Variants in DNAH8 observed in about 807,000 individuals in gnomAD.
DNAH8 encodes the protein axonemal beta dynein heavy chain 8.
A neutral mutation model predicts 562.1 loss-of-function variants in DNAH8; 382 were observed. That is an observed-to-expected ratio of 0.68 (90% CI 0.63 to 0.74). The LOEUF is 0.74. DNAH8 is among the 30% of genes least tolerant of loss of function. DNAH8 has a pLI of 0.00. For synonymous variants in DNAH8, 1,881 were observed against 1,919.4 expected, an observed-to-expected ratio of 0.98 and a Z score of 0.52; for missense variants, 5,203 against 5,620.4, an observed-to-expected ratio of 0.93 and a Z score of 2.37.
At chr6:38,918,983 A>G (rs1781500580) in intron 70 of DNAH8, among the ~76,000 whole-genome samples, 1 of 152,316 alleles carries the variant, frequency 6.6e-6, no homozygotes, top group Non-Finnish European at 1.5e-5. Flanking sequence ...TAGAAAGTCA[A>G]TTTAAAATAA....
intron 10 of DNAH8, among the ~76,000 whole-genome samples, chr6:38,759,397 A>G (rs1311966376): frequency 2.0e-5 from 3 of 152,242 alleles, no homozygotes; most frequent in Non-Finnish European, 2.9e-5. Flanking sequence ...TTATTCAAGC[A>G]TAACGAAATA....
chr6:39,019,437 G>C (rs1424003194), intron 91 of DNAH8, among the ~76,000 whole-genome samples: 1 of 152,180 alleles, frequency 6.6e-6, no homozygotes, highest in African/African-American at 2.4e-5. Flanking sequence ...TTAAAAGAGT[G>C]GTGGAAGTTT....
At position 38,866,837 on chromosome 6, in the gene DNAH8, C is replaced by T. The variant is rs551682867; in HGVS notation, c.6654C>T (p.Tyr2218=). 23 of 1,612,720 alleles carry T rather than the reference C, an allele frequency of 1.4e-5. No individual in the cohort carries two copies. The East Asian group carries it at 2.0e-4, about 14-fold the overall frequency. The change falls in exon 47 of 93, where the codon TAC becomes TAT. Residue 2218 remains tyrosine (Y), a synonymous_variant. Coordinates refer to ENST00000327475, the MANE Select transcript of DNAH8 (RefSeq NM_001206927.2). ...ATGTTATCTTGGCTCAAAAATTTTA[C>T]GTTCTTTACAAACTCTGTGAAGAGC... ...LENVILAQKF[Y]VLYKLCEEQL...
chr6:38,734,991 A>C (rs1352244170), intron 5 of DNAH8, among the ~76,000 whole-genome samples: 1 of 152,184 alleles, frequency 6.6e-6, no homozygotes, highest in Non-Finnish European at 1.5e-5. Context: ...GGACATTGCT[A>C]AGCTAGTTCT....
Position 38,899,768 on chromosome 6 carries a change from C to G in DNAH8, c.9064-8C>G. The stretch of plus-strand genomic sequence containing the variant: ...TTTCAAATAAGCACGTTTTAAATCT[C>G]AAAACAGATTTCACGAATAATTCGA... On this transcript the variant is annotated splice_polypyrimidine_tract_variant and splice_region_variant and intron_variant, in intron 61 of 92. Transcript: ENST00000327475. 6.2e-7 allele frequency: 1 copy of G among 1,613,036 alleles called. No homozygotes were observed. Among genetic ancestry groups the G allele is most frequent in the Non-Finnish European group, 8.5e-7 (1 of 1,179,444 alleles).
Position 38,924,015 on chromosome 6 carries a change from C to T in DNAH8, c.10815C>T (p.Cys3605=). The T allele has an allele frequency of 1.2e-6, 2 of 1,613,984 alleles. No homozygotes were observed. Among genetic ancestry groups the T allele is most frequent in the Non-Finnish European group, 1.7e-6 (2 of 1,179,924 alleles). The change falls in exon 73 of 93, where the codon TGC becomes TGT. Residue 3605 remains cysteine, a synonymous_variant. Transcript: ENST00000327475. ...GACTTGTAGGTGATATTCTGCTGTG[C>T]ACGGGATTCCTTTCCTACCTTGGTC... ...INRLVGDILL[C]TGFLSYLGPF... is the part of the protein sequence containing the mutation.
At chr6:38,760,493 T>C (rs1025579686) in intron 10 of DNAH8, among the ~76,000 whole-genome samples, 2 of 152,152 alleles carry the variant, frequency 1.3e-5, no homozygotes, top group African/African-American at 4.8e-5. Flanking sequence ...GTTCTACACT[T>C]GCTGAGTTGT....
intron 9 of DNAH8, among the ~76,000 whole-genome samples, chr6:38,751,704 A>G (rs997923032): frequency 1.3e-5 from 2 of 152,222 alleles, no homozygotes; most frequent in Non-Finnish European, 2.9e-5. Flanking sequence ...CTTCAAATTT[A>G]TAATCTGGTA....
chr6:38,947,502 A>G (rs1470660020), intron 80 of DNAH8, among the ~76,000 whole-genome samples: 2 of 152,198 alleles, frequency 1.3e-5, no homozygotes, highest in Non-Finnish European at 2.9e-5. Flanking sequence ...TTGAAGCTCT[A>G]CTGTGGTCAA....
rs551495324 is a variant in DNAH8 at position 38,939,139 on chromosome 6, T to C, written c.12007+151T>C. 3 of 638,390 alleles carry C rather than the reference T, an allele frequency of 4.7e-6. No homozygotes were observed. The South Asian group carries it at 1.0e-4, about 22-fold the overall frequency. The allele number at this position is 638,390 out of a possible 1,614,324, so 39.5% of individuals were successfully genotyped here. ...TTTTATTTTTAATACCTTTTTTCTGTTTTTCATTCGTTTTGCCCTAGTTAC... is the reference window on the plus strand; with the variant it reads ...TTTTATTTTTAATACCTTTTTTCTGCTTTTCATTCGTTTTGCCCTAGTTAC... On this transcript the variant is annotated intron_variant, in intron 79 of 92. Transcript: ENST00000327475.
At chr6:38,892,775 C>A (rs187296510) in intron 58 of DNAH8, among the ~76,000 whole-genome samples, 14 of 152,318 alleles carry the variant, frequency 9.2e-5, no homozygotes, top group African/African-American at 3.4e-4. Flanking sequence ...GTTCCACTTA[C>A]AATGTCAGCA....
At chr6:38,932,609 G>A (rs992411735) in intron 76 of DNAH8, among the ~76,000 whole-genome samples, 3 of 152,072 alleles carry the variant, frequency 2.0e-5, no homozygotes, top group Non-Finnish European at 4.4e-5. Flanking sequence ...TTATGTATCT[G>A]CATTATAAAG....
At chr6:39,029,843 G>A (rs1334516908) in intron 92 of DNAH8, among the ~76,000 whole-genome samples, 1 of 152,152 alleles carries the variant, frequency 6.6e-6, no homozygotes, top group Non-Finnish European at 1.5e-5. Flanking sequence ...GGCTAAGCCT[G>A]TTGCTCAGGG....
intron 53 of DNAH8, among the ~76,000 whole-genome samples, chr6:38,881,215 A>G (rs1023675785): frequency 6.6e-6 from 1 of 152,088 alleles, no homozygotes; most frequent in South Asian, 2.1e-4. Flanking sequence ...AAACATACTC[A>G]TTTTTGCTTA....
chr6:38,897,878 C>A (rs564456893), intron 60 of DNAH8, among the ~76,000 whole-genome samples: 19 of 152,262 alleles, frequency 1.2e-4, no homozygotes, highest in African/African-American at 4.3e-4. Flanking sequence ...TATTTCAGAA[C>A]AACAAAGACT....
chr6:38,907,179 G>A (rs182328280), intron 63 of DNAH8, among the ~76,000 whole-genome samples: 85 of 152,324 alleles, frequency 5.6e-4, no homozygotes, highest in Non-Finnish European at 9.7e-4. Context: ...TGGAGTCATC[G>A]ATGTTCCAGG....
chr6:38,801,794 GA>G (rs1770798209), intron 21 of DNAH8, among the ~76,000 whole-genome samples: 1 of 152,176 alleles, frequency 6.6e-6, no homozygotes, highest in Non-Finnish European at 1.5e-5. Flanking sequence ...TTCAGATACA[GA>G]TTAGACAGTC....
intron 4 of DNAH8, 145 bp from the exon 5 acceptor site, chr6:38,734,329 C>CCG: frequency 1.4e-6 from 1 of 709,618 alleles, no homozygotes; most frequent in East Asian, 6.0e-5. Context: ...CTAGTAGACC[C>CCG]CCCCCCAAAA....
chr6:38,787,960 A>T (rs1174403215), intron 18 of DNAH8, among the ~76,000 whole-genome samples: 2 of 152,072 alleles, frequency 1.3e-5, no homozygotes, highest in East Asian at 1.9e-4. Flanking sequence ...TTTTTTTTCC[A>T]GTACAATTAG....
Sources: allele counts gnomAD v4.1 joint callset (sites outside exome capture counted in the v4.1 genomes callset), GRCh38; gene constraint gnomAD v4.1.1; transcripts MANE v1.5; gene names NCBI Gene and HGNC (gene_info 2026-07-23, HGNC 2026-07-21).